ADGRG2: variants seen among roughly 807,000 people sequenced by gnomAD.
The protein encoded by ADGRG2 is G protein-coupled receptor 64.
In ADGRG2, 26 loss-of-function variants were observed where a neutral mutation model predicts 74.1. The observed-to-expected ratio is 0.35, with a 90% confidence interval of 0.26 to 0.49. ADGRG2 has a LOEUF of 0.49. Ranked by LOEUF, ADGRG2 falls within the 20% of genes least tolerant of loss-of-function variation. The pLI is 0.99. For synonymous variants in ADGRG2, 296 were observed against 295.2 expected (o/e 1.00, Z -0.03); for missense variants, 619 against 763.1 (o/e 0.81, Z 2.22).
chrX:19,055,440 A>T (rs2061396491), intron 3 of ADGRG2, among the ~76,000 whole-genome samples: 1 of 112,103 alleles, frequency 8.9e-6, no homozygotes, highest in Non-Finnish European at 1.9e-5. Flanking sequence ...TGGCTATTTA[A>T]ATTTAAATTA....
intron 3 of ADGRG2, among the ~76,000 whole-genome samples, chrX:19,059,358 T>C (rs1376606706): frequency 1.8e-5 from 2 of 112,104 alleles, no homozygotes; most frequent in Non-Finnish European, 3.8e-5. Flanking sequence ...ATAAGCACTT[T>C]CTGGATCTTG....
intron 15 of ADGRG2, among the ~76,000 whole-genome samples, chrX:19,019,124 C>T (rs1026779226): frequency 8.9e-6 from 1 of 112,178 alleles, no homozygotes; most frequent in Admixed American, 9.5e-5. Context: ...GGATTACAGG[C>T]GTAAGCCACC....
At chrX:19,116,159 G>A (rs2062509708) in intron 1 of ADGRG2, among the ~76,000 whole-genome samples, 1 of 108,540 alleles carries the variant, frequency 9.2e-6, no homozygotes, top group Admixed American at 9.9e-5. Flanking sequence ...AGGCTGCAGT[G>A]AGCCATGATC....
At chrX:18,991,114 C>T (rs1471746213) in intron 28 of ADGRG2, 66 bp from the exon 29 acceptor site, 2 of 564,844 alleles carry the variant, frequency 3.5e-6, no homozygotes, top group Admixed American at 7.3e-5. Context: ...AGCAAACAAA[C>T]TTAGACATTG....
intron 16 of ADGRG2, 136 bp from the exon 17 acceptor site, chrX:19,010,914 G>A: frequency 2.5e-6 from 1 of 403,430 alleles, no homozygotes; most frequent in Non-Finnish European, 4.1e-6. Flanking sequence ...ATATGTCTTA[G>A]GAAGACTTGT....
At chrX:19,097,928 A>T (rs772616521) in intron 1 of ADGRG2, among the ~76,000 whole-genome samples, 13 of 113,206 alleles carry the variant, frequency 1.1e-4, no homozygotes, top group Admixed American at 4.7e-4. Context: ...TCTGTGAAAC[A>T]CTGACAGTTT....
chrX:19,045,588 G>A (rs1270323595), intron 3 of ADGRG2, among the ~76,000 whole-genome samples: 1 of 110,005 alleles, frequency 9.1e-6, no homozygotes, highest in Non-Finnish European at 1.9e-5. Flanking sequence ...AATTACAGGT[G>A]TGAGCCACCG....
intron 3 of ADGRG2, among the ~76,000 whole-genome samples, chrX:19,048,262 A>AT (rs368334279): frequency 2.7e-5 from 3 of 112,193 alleles, no homozygotes; most frequent in Admixed American, 9.4e-5. Context: ...GTTCATATGC[A>AT]TTTTTTCCTG....
In ADGRG2 at chrX:19,023,938, G is replaced by T; in HGVS notation, c.481C>A (p.Leu161Ile). ...CTTAGGGTTTGCAGGGTTTTGTTGAGCTCTGAGCGTCTGTAATAAAATGAG... is the reference window on the plus strand; with the variant it reads ...CTTAGGGTTTGCAGGGTTTTGTTGATCTCTGAGCGTCTGTAATAAAATGAG... ...LSLSELKRSE[L>I]NKTLQTLSET... The change falls in exon 12 of 29, where the codon CTC becomes ATC. Residue 161 changes from leucine (L) to isoleucine (I), a missense_variant. By Grantham distance (5) the Leu-to-Ile change is conservative (BLOSUM62 2). Transcript: ENST00000379869. 8.5e-7 allele frequency: 1 copy of T among 1,182,420 alleles called. No homozygotes were observed. The highest frequency in any genetic ancestry group is 1.2e-6 in the Non-Finnish European group (1 of 869,190).
intron 3 of ADGRG2, among the ~76,000 whole-genome samples, chrX:19,050,703 C>T (rs745358770): frequency 1.2e-4 from 13 of 111,471 alleles, no homozygotes; most frequent in Non-Finnish European, 1.9e-4. Context: ...GCCTGGGCAA[C>T]GCAGCAAGAA....
At chrX:19,075,972 C>A (rs980513044) in intron 2 of ADGRG2, among the ~76,000 whole-genome samples, 12 of 112,155 alleles carry the variant, frequency 1.1e-4, no homozygotes, top group African/African-American at 3.2e-5. Context: ...TGGCCAGGCC[C>A]ATGGCTAACA....
chrX:19,076,715 G>A (rs183658093), intron 2 of ADGRG2, among the ~76,000 whole-genome samples: 3 of 111,609 alleles, frequency 2.7e-5, no homozygotes, highest in African/African-American at 9.8e-5. Context: ...GTTGCAGTGA[G>A]CCAAGATCGT....
chrX:19,121,410 G>A (rs1050697562), intron 1 of ADGRG2, among the ~76,000 whole-genome samples: 1 of 111,535 alleles, frequency 9.0e-6, no homozygotes, highest in African/African-American at 3.3e-5. Flanking sequence ...GGGGGCGAAG[G>A]GAAAGTTTCC....
At chrX:19,050,165 G>C (rs1285242355) in intron 3 of ADGRG2, among the ~76,000 whole-genome samples, 1 of 111,511 alleles carries the variant, frequency 9.0e-6, no homozygotes, top group Admixed American at 9.5e-5. Flanking sequence ...AGCCAAGTTT[G>C]GGGTGTTTGT....
At chrX:19,034,580 G>C (rs2060894696) in intron 7 of ADGRG2, 1 of 112,049 alleles carries the variant, frequency 8.9e-6, no homozygotes, top group Admixed American at 9.5e-5. Flanking sequence ...TTCAATGTGT[G>C]ACCCATGAGC....
intron 17 of ADGRG2, among the ~76,000 whole-genome samples, chrX:19,010,379 C>T (rs2060330868): frequency 9.0e-6 from 1 of 111,405 alleles, no homozygotes; most frequent in African/African-American, 3.3e-5. Context: ...CCTCAGCCTC[C>T]CAGAGTGGTG....
chrX:19,037,893 G>A (rs1053289915), intron 4 of ADGRG2, among the ~76,000 whole-genome samples: 2 of 111,711 alleles, frequency 1.8e-5, no homozygotes, highest in African/African-American at 6.5e-5. Context: ...GAATATTATA[G>A]AAATAAGATT....
chrX:19,001,114 A>C (rs1243550577), intron 24 of ADGRG2, among the ~76,000 whole-genome samples: 5 of 111,193 alleles, frequency 4.5e-5, no homozygotes, highest in Non-Finnish European at 7.6e-5. Flanking sequence ...TATGAAACCA[A>C]AAGTCCTCAA....
intron 15 of ADGRG2, among the ~76,000 whole-genome samples, chrX:19,019,135 G>A (rs181775401): frequency 5.5e-4 from 62 of 112,018 alleles, no homozygotes; most frequent in African/African-American, 1.9e-3. Flanking sequence ...GTAAGCCACC[G>A]TGCCCGGCTA....
Sources: gnomAD v4.1 joint callset for allele counts (sites outside exome capture counted in the v4.1 genomes callset) on GRCh38, gnomAD v4.1.1 for gene constraint, MANE v1.5 for transcripts, NCBI Gene and HGNC (gene_info 2026-07-23, HGNC 2026-07-21) for gene names.